Variants in ETFA observed in about 807,000 individuals in gnomAD.
The protein encoded by ETFA is electron transfer flavoprotein subunit alpha, mitochondrial.
In ETFA, 22 loss-of-function variants were observed where a neutral mutation model predicts 46.2. That is an observed-to-expected ratio of 0.48 (90% CI 0.34 to 0.68). The LOEUF (loss-of-function observed/expected upper bound fraction) is 0.68, where lower values mean the gene tolerates loss of function less well. Among genes scored for constraint, ETFA ranks in the 30% least tolerant of loss-of-function variants. ETFA has a pLI of 0.01. For synonymous variants in ETFA, 131 were observed against 139.9 expected (o/e 0.94, Z 0.45); for missense variants, 345 against 401.1 (o/e 0.86, Z 1.19).
intron 9 of ETFA, among the ~76,000 whole-genome samples, chr15:76,243,343 A>C (rs574496923): frequency 6.6e-6 from 1 of 152,146 alleles, no homozygotes; most frequent in Non-Finnish European, 1.5e-5. Context: ...AATAAAAAAA[A>C]TCACTAGAAA....
At chr15:76,232,063 C>G (rs1193951911) in intron 9 of ETFA, among the ~76,000 whole-genome samples, 1 of 152,208 alleles carries the variant, frequency 6.6e-6, no homozygotes, top group East Asian at 1.9e-4. Flanking sequence ...AAGGTATGGG[C>G]TGAACCTTTG....
At chr15:76,279,748 C>T (rs1194950283) in intron 8 of ETFA, among the ~76,000 whole-genome samples, 1 of 152,142 alleles carries the variant, frequency 6.6e-6, no homozygotes, top group Non-Finnish European at 1.5e-5. Context: ...TTTCCCCCCT[C>T]AATGAAACAC....
chr15:76,265,321 C>T (rs1057367414), intron 9 of ETFA, among the ~76,000 whole-genome samples: 1 of 152,160 alleles, frequency 6.6e-6, no homozygotes, highest in East Asian at 1.9e-4. Flanking sequence ...GTCTGCCTCC[C>T]CAAGAGAATG....
At chr15:76,274,597 G>T (rs1219107471) in intron 8 of ETFA, 103 bp from the exon 9 acceptor site, 7 of 900,890 alleles carry the variant, frequency 7.8e-6, no homozygotes, top group Non-Finnish European at 3.6e-6. Flanking sequence ...AGAATTCTAA[G>T]TACTAGTATA....
intron 1 of ETFA, among the ~76,000 whole-genome samples, chr15:76,310,581 A>T (rs944094726): frequency 1.3e-5 from 2 of 152,214 alleles, no homozygotes; most frequent in African/African-American, 4.8e-5. Flanking sequence ...GTTTCCTATC[A>T]GTCCTTCTCA....
At chr15:76,252,897 CTTTTT>C (rs11303378) in intron 9 of ETFA, among the ~76,000 whole-genome samples, 3 of 129,944 alleles carry the variant, frequency 2.3e-5, no homozygotes, top group East Asian at 2.3e-4. Flanking sequence ...ACACAGAGTA[CTTTTT>C]TTTTTTTTTT....
chr15:76,274,166 A>G (rs759619503), intron 9 of ETFA: 3 of 501,450 alleles, frequency 6.0e-6, no homozygotes, highest in Non-Finnish European at 1.1e-5. Flanking sequence ...ATGTAATATG[A>G]CTTAATTTGA....
At chr15:76,300,115 C>G (rs2039865311) in intron 1 of ETFA, among the ~76,000 whole-genome samples, 1 of 152,142 alleles carries the variant, frequency 6.6e-6, no homozygotes, top group Non-Finnish European at 1.5e-5. Flanking sequence ...ACTGACTACT[C>G]CCTTCTGCCT....
chr15:76,259,630 C>T (rs559750905), intron 9 of ETFA: 26 of 886,672 alleles, frequency 2.9e-5, no homozygotes, highest in Middle Eastern at 2.1e-4. Context: ...AGCCACTTGA[C>T]GGGCAATTTG....
rs1024271095 is a variant in ETFA at position 76,260,147 on chromosome 15, C to G, written c.816+14265G>C. 3 of 1,461,816 alleles carry G rather than the reference C, an allele frequency of 2.1e-6. No individual in the cohort carries two copies. The African/African-American group carries it at 4.2e-5, about 20-fold the overall frequency. 90.6% of individuals were successfully genotyped at this position (1,461,816 alleles called of 1,614,324 possible). A position where few individuals can be genotyped will look rare whatever the true frequency, so the allele number is the denominator to read the frequency against. The stretch of plus-strand genomic sequence containing the variant: ...AACTCTCCTTTGCCCTATATCCAGC[C>G]AGGGTGAACTGCTGCTCTGGGATGA... On this transcript the variant is annotated intron_variant, in intron 9 of 11. Transcript: ENST00000557943.
Position 76,285,624 on chromosome 15 carries a change from A to T in ETFA, c.664+13T>A, listed in dbSNP as rs750058078. On this transcript the variant is annotated intron_variant, in intron 7 of 11. Transcript: ENST00000557943. ...TTTCAATTTACATCTTTTAAGATTA[A>T]TATTTCACTTACCACCAGATACCAC... 7.1e-7 allele frequency: 1 copy of T among 1,407,086 alleles called. No homozygotes were observed. Among genetic ancestry groups the T allele is most frequent in the Admixed American group, 1.7e-5 (1 of 59,710 alleles). 87.2% of individuals were successfully genotyped at this position (1,407,086 alleles called of 1,614,324 possible).
intron 1 of ETFA, among the ~76,000 whole-genome samples, chr15:76,305,202 C>G (rs375558926): frequency 7.2e-5 from 11 of 151,820 alleles, no homozygotes; most frequent in African/African-American, 1.7e-4. Flanking sequence ...CCCAAACACC[C>G]TCTATGTTCT....
chr15:76,248,386 A>G (rs1050257963), intron 9 of ETFA, among the ~76,000 whole-genome samples: 9 of 152,190 alleles, frequency 5.9e-5, no homozygotes, highest in African/African-American at 2.2e-4. Flanking sequence ...AATCAAATCA[A>G]GTAGATTATA....
chr15:76,224,001 C>A (rs1472013071), intron 11 of ETFA, among the ~76,000 whole-genome samples: 5 of 152,184 alleles, frequency 3.3e-5, no homozygotes, highest in Non-Finnish European at 5.9e-5. Context: ...AAATTACTTA[C>A]AAGTTTATTA....
At chr15:76,285,502 TG>T in intron 7 of ETFA, 134 bp downstream of exon 7, 2 of 645,946 alleles carry the variant, frequency 3.1e-6, no homozygotes, top group South Asian at 3.5e-5. Context: ...ATTGGTTAAA[TG>T]GGAATAATAT....
At chr15:76,240,996 G>C (rs1009910649) in intron 9 of ETFA, among the ~76,000 whole-genome samples, 1 of 151,506 alleles carries the variant, frequency 6.6e-6, no homozygotes, top group Non-Finnish European at 1.5e-5. Context: ...TACCTAATTT[G>C]CTTCTATACC....
At chr15:76,267,978 T>C in intron 9 of ETFA, among the ~76,000 whole-genome samples, 1 of 152,078 alleles carries the variant, frequency 6.6e-6, no homozygotes, top group East Asian at 1.9e-4. Context: ...TGGACCCACC[T>C]GTACAGTGCA....
rs376930919 is a variant in ETFA at position 76,285,578 on chromosome 15, TA to T, written c.664+58del. 0.014 allele frequency: 10,880 copies of T among 802,472 alleles called. 56 individuals carry two copies. Among genetic ancestry groups the T allele is most frequent in the African/African-American group, 0.046 (2,562 of 55,946 alleles). The allele number at this position is 802,472 out of a possible 1,614,324, so 49.7% of individuals were successfully genotyped here. On this transcript the variant is annotated intron_variant, in intron 7 of 11. Transcript: ENST00000557943. ...GTACTTCTAAAATAAATACTAAAAA[TA>T]AAAAAAAAAATCAAAGTATTTTCAA...
At chr15:76,281,023 T>C (rs1424262995) in intron 8 of ETFA, among the ~76,000 whole-genome samples, 1 of 147,964 alleles carries the variant, frequency 6.8e-6, no homozygotes, top group Admixed American at 6.9e-5. Context: ...CAAGTGATCC[T>C]GCCGCCTCAG....
Sources: gnomAD v4.1 joint callset for allele counts (sites outside exome capture counted in the v4.1 genomes callset) on GRCh38, gnomAD v4.1.1 for gene constraint, MANE v1.5 for transcripts, NCBI Gene and HGNC (gene_info 2026-07-23, HGNC 2026-07-21) for gene names.